The following DLGAP2 variants were observed in gnomAD, a reference collection of about 807,000 sequenced individuals.
DLGAP2 encodes DLG associated protein 2.
DLGAP2 carries 26 observed loss-of-function variants against 100.3 expected under a neutral mutation model. That is an observed-to-expected ratio of 0.26 (90% confidence interval 0.19 to 0.36). The LOEUF is 0.36. DLGAP2 is among the 10% of genes least tolerant of loss of function. The pLI, the probability that DLGAP2 is intolerant of heterozygous loss-of-function variation, is 1.00. For synonymous variants in DLGAP2, 886 were observed against 630.1 expected (o/e 1.41, Z -6.08); for missense variants, 1,858 against 1,453.2 (o/e 1.28, Z -4.53).
intron 2 of DLGAP2, among the ~76,000 whole-genome samples, chr8:1,213,552 C>T (rs931179043): frequency 5.3e-5 from 8 of 152,064 alleles, no homozygotes; most frequent in African/African-American, 1.9e-4. Context: ...ACCTGTATTC[C>T]TAAGATTGCT....
chr8:1,023,765 C>T (rs530392134), intron 2 of DLGAP2, among the ~76,000 whole-genome samples: 24 of 151,772 alleles, frequency 1.6e-4, no homozygotes, highest in Non-Finnish European at 2.8e-4. Context: ...CATTCTGCAG[C>T]GAGATGGGGC....
At chr8:1,620,701 C>G (rs1036680521) in intron 6 of DLGAP2, among the ~76,000 whole-genome samples, 12 of 152,096 alleles carry the variant, frequency 7.9e-5, no homozygotes, top group Non-Finnish European at 1.2e-4. Context: ...GAGAAACCAG[C>G]TCAAGTCTGC....
At chr8:934,302 C>G (rs1209059034) in intron 2 of DLGAP2, among the ~76,000 whole-genome samples, 1 of 78,300 alleles carries the variant, frequency 1.3e-5, no homozygotes, top group Non-Finnish European at 2.5e-5. Flanking sequence ...GCCGTGGGCA[C>G]GAGGGGAGGG....
intron 3 of DLGAP2, among the ~76,000 whole-genome samples, chr8:1,477,005 A>G (rs1185517225): frequency 6.6e-6 from 1 of 151,134 alleles, no homozygotes; most frequent in East Asian, 2.1e-4. Flanking sequence ...CCAGGAACCT[A>G]AACACCTGTG....
At chr8:1,371,595 A>G (rs1417869966) in intron 3 of DLGAP2, among the ~76,000 whole-genome samples, 1 of 152,368 alleles carries the variant, frequency 6.6e-6, no homozygotes, top group East Asian at 1.9e-4. Context: ...TTGGAAAAGA[A>G]GGAATTTGAA....
intron 3 of DLGAP2, among the ~76,000 whole-genome samples, chr8:1,281,748 C>G (rs1193842532): frequency 6.6e-6 from 1 of 152,196 alleles, no homozygotes. Context: ...GAAAGCCTTC[C>G]CCGGGGAGTC....
intron 3 of DLGAP2, among the ~76,000 whole-genome samples, chr8:1,491,410 G>T (rs1799385128): frequency 6.6e-6 from 1 of 152,246 alleles, no homozygotes; most frequent in African/African-American, 2.4e-5. Flanking sequence ...GAGGCTTCCG[G>T]CTGCTCCCCC....
At position 940,118 on chromosome 8, in the gene DLGAP2, G is replaced by T. The variant is rs373628935; in HGVS notation, c.73+32152G>T. 2.0e-5 allele frequency among the ~76,000 whole-genome samples: 3 copies of T among 152,174 alleles called. No individual in the cohort carries two copies. The South Asian group carries it at 6.2e-4, about 32-fold the overall frequency. ...GCCACAGAGCTGTGGAAAGACAGTG[G>T]GGCGTGGGGCGTGGGGCCTGAAGAC... On this transcript the variant is annotated intron_variant, in intron 2 of 14. Transcript: ENST00000637795.
intron 2 of DLGAP2, among the ~76,000 whole-genome samples, chr8:1,158,912 C>T (rs964037159): frequency 6.6e-6 from 1 of 152,236 alleles, no homozygotes; most frequent in Non-Finnish European, 1.5e-5. Flanking sequence ...ACCAGTGGAA[C>T]TGAAAATGAG....
At chr8:1,288,972 G>A (rs1201758186) in intron 3 of DLGAP2, among the ~76,000 whole-genome samples, 1 of 152,186 alleles carries the variant, frequency 6.6e-6, no homozygotes, top group Non-Finnish European at 1.5e-5. Context: ...AGTCATTTAT[G>A]CATTAGAGTT....
At chr8:1,424,785 T>C (rs1797194375) in intron 3 of DLGAP2, among the ~76,000 whole-genome samples, 1 of 152,010 alleles carries the variant, frequency 6.6e-6, no homozygotes, top group Admixed American at 6.5e-5. Flanking sequence ...GAAGGCCGAA[T>C]AGGACAAGGA....
In DLGAP2 at chr8:1,549,393, G is replaced by A. The variant is rs765184753; in HGVS notation, c.940G>A (p.Val314Met). ...DSDSTYRTPS[V>M]LNRHHLGPVA... ...CGACAGCACCTATCGGACGCCCAGC[G>A]TGCTCAACCGGCACCACCTGGGCCC... Residue 314 changes from valine (V) to methionine (M), a missense_variant, in exon 5 of 15, where the codon GTG (valine) becomes ATG (methionine). By Grantham distance (21) the Val-to-Met change is conservative. Transcript: ENST00000637795. 3.7e-6 allele frequency: 6 copies of A among 1,613,432 alleles called. No individual in the cohort carries two copies. Among genetic ancestry groups the A allele is most frequent in the Non-Finnish European group, 4.2e-6 (5 of 1,179,792 alleles).
intron 4 of DLGAP2, among the ~76,000 whole-genome samples, chr8:1,506,300 G>A (rs900359431): frequency 5.9e-5 from 9 of 152,146 alleles, no homozygotes; most frequent in East Asian, 1.9e-4. Context: ...ATTTTCTTCA[G>A]GGAAATTTAT....
intron 2 of DLGAP2, among the ~76,000 whole-genome samples, chr8:1,238,245 A>C (rs368294175): frequency 2.9e-5 from 1 of 33,992 alleles, no homozygotes. Flanking sequence ...ACATGGTGCC[A>C]TGTCTAGTTC....
chr8:1,567,371 T>A (rs1295003508), intron 6 of DLGAP2, among the ~76,000 whole-genome samples: 2 of 152,218 alleles, frequency 1.3e-5, no homozygotes, highest in Non-Finnish European at 2.9e-5. Context: ...CCAGCCTCAG[T>A]CCTGGGGTTT....
chr8:1,120,926 C>T (rs1307899491), intron 2 of DLGAP2, among the ~76,000 whole-genome samples: 2 of 150,704 alleles, frequency 1.3e-5, no homozygotes, highest in East Asian at 2.0e-4. Context: ...CCAGTTAGAA[C>T]CCATGACCTG....
chr8:917,269 C>T (rs1798615044), intron 2 of DLGAP2, among the ~76,000 whole-genome samples: 1 of 142,944 alleles, frequency 7.0e-6, no homozygotes, highest in Non-Finnish European at 1.5e-5. Flanking sequence ...CTGACAGTCT[C>T]ACTCCATCAC....
At chr8:908,888 G>T (rs1798431487) in intron 2 of DLGAP2, among the ~76,000 whole-genome samples, 1 of 152,110 alleles carries the variant, frequency 6.6e-6, no homozygotes, top group Admixed American at 6.6e-5. Context: ...GCTATAACAA[G>T]GTAATTACAA....
chr8:1,382,123 G>C (rs1796111800), intron 3 of DLGAP2, among the ~76,000 whole-genome samples: 1 of 152,272 alleles, frequency 6.6e-6, no homozygotes, highest in Middle Eastern at 3.4e-3. Context: ...CTGTTAACCA[G>C]AAGCCTAAGC....
Sources: gnomAD v4.1 joint callset for allele counts (sites outside exome capture counted in the v4.1 genomes callset) on GRCh38, gnomAD v4.1.1 for gene constraint, MANE v1.5 for transcripts, NCBI Gene and HGNC (gene_info 2026-07-23, HGNC 2026-07-21) for gene names.